DNAH14: variants seen among roughly 807,000 people sequenced by gnomAD.
The protein encoded by DNAH14 is axonemal beta dynein heavy chain 14.
DNAH14 carries 478 observed loss-of-function variants against 520.9 expected under a neutral mutation model. The observed-to-expected ratio is 0.92, with a 90% CI of 0.85 to 0.99. The LOEUF (loss-of-function observed/expected upper bound fraction) is 0.99, where lower values mean the gene tolerates loss of function less well. Among genes scored for constraint, DNAH14 ranks in the 50% least tolerant of loss-of-function variants. DNAH14 has a pLI of 0.00. For synonymous variants in DNAH14, 1,581 were observed against 1,757.2 expected (o/e 0.90, Z 2.51); for missense variants, 4,831 against 5,234.5 (o/e 0.92, Z 2.38).
intron 17 of DNAH14, among the ~76,000 whole-genome samples, chr1:225,071,699 G>T (rs2071565080): frequency 6.6e-6 from 1 of 152,192 alleles, no homozygotes; most frequent in Non-Finnish European, 1.5e-5. Context: ...CAGCATGACT[G>T]TGAAGGCCTC....
intron 63 of DNAH14, 35 bp from the exon 64 acceptor site, chr1:225,324,702 T>C (rs2094620374): frequency 1.4e-5 from 20 of 1,469,538 alleles, no homozygotes; most frequent in Admixed American, 2.4e-5. Flanking sequence ...AACCCGACGT[T>C]TTTGACACTT....
chr1:225,127,843 G>A (rs1238506681), intron 27 of DNAH14, among the ~76,000 whole-genome samples: 1 of 152,142 alleles, frequency 6.6e-6, no homozygotes, highest in Non-Finnish European at 1.5e-5. Flanking sequence ...GCAGCGGCTG[G>A]TAACAGTTGT....
chr1:225,167,455 A>G (rs947883772), intron 35 of DNAH14, among the ~76,000 whole-genome samples: 6 of 152,216 alleles, frequency 3.9e-5, no homozygotes, highest in African/African-American at 1.4e-4. Context: ...ATTTTAACTT[A>G]TAACCACATC....
At chr1:225,181,648 C>G (rs557033932) in intron 36 of DNAH14, among the ~76,000 whole-genome samples, 2 of 152,106 alleles carry the variant, frequency 1.3e-5, no homozygotes, top group African/African-American at 4.8e-5. Context: ...TGTTCATCTC[C>G]TTTGCCCACT....
In DNAH14 at chr1:225,240,647, T is replaced by A. The variant is rs201526391; in HGVS notation, c.6573T>A (p.Ile2191=). The stretch of plus-strand genomic sequence containing the variant: ...ATCCTGATAAATTAACAAAAATTAT[T>A]CAAAAGCTTTTTGTGTTTGCCTTTA... The part of the protein sequence containing the change: ...EKNPDKLTKI[I]QKLFVFAFTW... Residue 2191 remains isoleucine, a synonymous_variant, in exon 43 of 86, where the codon ATT becomes ATA. Coordinates refer to ENST00000682510, the MANE Select transcript of DNAH14 (RefSeq NM_001367479.1). 1.3e-3 allele frequency: 2,022 copies of A among 1,550,700 alleles called. 26 individuals are homozygous for A. The highest frequency in any genetic ancestry group is 0.012 in the South Asian group (988 of 83,974).
intron 17 of DNAH14, among the ~76,000 whole-genome samples, chr1:225,055,805 G>A (rs1463054220): frequency 6.6e-6 from 1 of 151,446 alleles, no homozygotes; most frequent in Non-Finnish European, 1.5e-5. Flanking sequence ...TTGTCCTTGC[G>A]ATAGTTTGCT....
chr1:225,051,780 C>A lies in DNAH14; in HGVS notation c.2409C>A (p.Asn803Lys). ...TLIQSVIEKK[N>K]KNLLEVVESS... ...TACAATCTGTAATTGAAAAAAAGAACAAAAATTTATTGGAAGTAAGTATTT... is the reference window on the plus strand; with the variant it reads ...TACAATCTGTAATTGAAAAAAAGAAAAAAAATTTATTGGAAGTAAGTATTT... Residue 803 changes from asparagine (N) to lysine (K), a missense_variant, in exon 17 of 86, where the codon AAC becomes AAA. Coordinates refer to ENST00000682510, the MANE Select transcript of DNAH14 (RefSeq NM_001367479.1). 1 of 1,490,028 alleles carries A rather than the reference C, an allele frequency of 6.7e-7. No homozygotes were observed. The highest frequency in any genetic ancestry group is 8.9e-7 in the Non-Finnish European group (1 of 1,120,894). 92.3% of individuals were successfully genotyped at this position (1,490,028 alleles called of 1,614,324 possible). A position where few individuals can be genotyped will look rare whatever the true frequency, so the allele number is the denominator to read the frequency against.
intron 27 of DNAH14, among the ~76,000 whole-genome samples, chr1:225,129,159 A>G (rs2078098682): frequency 6.6e-6 from 1 of 151,934 alleles, no homozygotes; most frequent in Non-Finnish European, 1.5e-5. Context: ...TGCTCAATGA[A>G]ATAAAAGAGG....
chr1:225,078,790 C>T (rs1327734480), intron 17 of DNAH14, among the ~76,000 whole-genome samples: 13 of 48,262 alleles, frequency 2.7e-4, no homozygotes, highest in African/African-American at 6.8e-4. Flanking sequence ...CTCTCTCTCT[C>T]TCTCTCTCTC....
chr1:225,202,056 A>C (rs1269429251), intron 38 of DNAH14, among the ~76,000 whole-genome samples: 1 of 151,772 alleles, frequency 6.6e-6, no homozygotes, highest in Non-Finnish European at 1.5e-5. Context: ...TTGTGTTTTT[A>C]GTAGAGATGG....
intron 16 of DNAH14, among the ~76,000 whole-genome samples, chr1:225,050,824 G>A (rs994847294): frequency 3.3e-5 from 5 of 152,190 alleles, no homozygotes; most frequent in Non-Finnish European, 7.3e-5. Context: ...TGGTTTTGTG[G>A]AATACAGTTT....
At chr1:225,195,065 A>G (rs1247707080) in intron 38 of DNAH14, among the ~76,000 whole-genome samples, 1 of 152,162 alleles carries the variant, frequency 6.6e-6, no homozygotes, top group African/African-American at 2.4e-5. Context: ...GTGGGAATGT[A>G]AATTAGTTCA....
At chr1:225,126,245 C>G (rs575464031) in intron 27 of DNAH14, among the ~76,000 whole-genome samples, 24 of 152,226 alleles carry the variant, frequency 1.6e-4, no homozygotes, top group Admixed American at 1.6e-3. Flanking sequence ...GATAGACTTG[C>G]TCAATGCAGG....
chr1:225,273,433 C>T (rs1394924363), intron 52 of DNAH14, among the ~76,000 whole-genome samples: 5 of 152,098 alleles, frequency 3.3e-5, no homozygotes, highest in Admixed American at 3.3e-4. Flanking sequence ...AGCGAGACTC[C>T]GTCTCAAAAC....
chr1:225,118,064 A>G, intron 25 of DNAH14, 65 bp downstream of exon 25: 2 of 1,244,632 alleles, frequency 1.6e-6, no homozygotes, highest in South Asian at 2.6e-5. Context: ...CTCTGCTTTG[A>G]AATTTTTGAT....
Position 225,100,724 on chromosome 1 carries a change from C to G in DNAH14, c.3707C>G (p.Ala1236Gly). The change falls in exon 23 of 86, where the codon GCA becomes GGA. Residue 1236 changes from alanine (A) to glycine (G), a missense_variant. Coordinates refer to ENST00000682510, the MANE Select transcript of DNAH14 (RefSeq NM_001367479.1). ...HSSEIRRQLP[A>G]ETELFSQVIS... is the part of the protein sequence containing the mutation. ...TTTTTTTTCTAAAGGCAACTCCCAG[C>G]AGAAACAGAACTTTTCTCTCAAGTG... 6.7e-7 allele frequency: 1 copy of G among 1,499,210 alleles called. No homozygotes were observed. The highest frequency in any genetic ancestry group is 8.9e-7 in the Non-Finnish European group (1 of 1,129,172). The allele number at this position is 1,499,210 out of a possible 1,614,324, so 92.9% of individuals were successfully genotyped here.
At position 225,358,496 on chromosome 1, in the gene DNAH14, G is replaced by A; in HGVS notation, c.11620G>A (p.Val3874Ile). 6.6e-7 allele frequency: 1 copy of A among 1,505,728 alleles called. No homozygotes were observed. The highest frequency in any genetic ancestry group is 8.9e-7 in the Non-Finnish European group (1 of 1,129,066). 93.3% of individuals were successfully genotyped at this position (1,505,728 alleles called of 1,614,324 possible). A position where few individuals can be genotyped will look rare whatever the true frequency, so the allele number is the denominator to read the frequency against. ...KLTSFQRLIL[V>I]KVLRPESLNN... ...TTATCTTCCATGTTTTCTTTTTTAGGTAAAAGTTCTTAGACCAGAAAGTTT... is the reference window on the plus strand; with the variant it reads ...TTATCTTCCATGTTTTCTTTTTTAGATAAAAGTTCTTAGACCAGAAAGTTT... Residue 3874 changes from valine to isoleucine, a missense_variant and splice_region_variant, in exon 74 of 86, where the codon GTA becomes ATA. Transcript: ENST00000682510.
At chr1:225,149,129 A>G (rs921415434) in intron 31 of DNAH14, among the ~76,000 whole-genome samples, 8 of 152,088 alleles carry the variant, frequency 5.3e-5, no homozygotes, top group African/African-American at 1.9e-4. Context: ...TGATTTTTGT[A>G]TATGGTGAAA....
rs1572011663 is a variant in DNAH14 at position 224,952,734 on chromosome 1, C to A, written c.32C>A (p.Thr11Asn). 1 of 1,604,392 alleles carries A rather than the reference C, an allele frequency of 6.2e-7. No homozygotes were observed. Among genetic ancestry groups the A allele is most frequent in the Non-Finnish European group, 8.5e-7 (1 of 1,175,676 alleles). The change falls in exon 2 of 86, where the codon ACT becomes AAT. Residue 11 changes from threonine (T) to asparagine (N), a missense_variant. Thr to Asn is a moderately conservative substitution (Grantham distance 65). Coordinates refer to ENST00000682510, the MANE Select transcript of DNAH14 (RefSeq NM_001367479.1). Reference sequence around the variant, plus strand: ...ACGTTTATACCCATTGATTTGACAACTGAAAATCAAGAGATGGACAAGGAG... The same window carrying A: ...ACGTTTATACCCATTGATTTGACAAATGAAAATCAAGAGATGGACAAGGAG... METFIPIDLT[T>N]ENQEMDKEET...
Sources: allele counts gnomAD v4.1 joint callset (sites outside exome capture counted in the v4.1 genomes callset), GRCh38; gene constraint gnomAD v4.1.1; transcripts MANE v1.5; gene names NCBI Gene and HGNC (gene_info 2026-07-23, HGNC 2026-07-21).